PRDX1: variants seen among roughly 807,000 people sequenced by gnomAD.
PRDX1 encodes the protein peroxiredoxin 1.
Under a neutral mutation model 20.7 loss-of-function variants are expected in PRDX1, and 19 were observed. That is an observed-to-expected ratio of 0.92 (90% CI 0.64 to 1.35). PRDX1 has a LOEUF of 1.35. PRDX1 is among the 40% of genes most tolerant of loss of function. The pLI is 0.00. For synonymous variants in PRDX1, 89 were observed against 83.9 expected, an observed-to-expected ratio of 1.06 and a Z score of -0.33; for missense variants, 226 against 240.0, an observed-to-expected ratio of 0.94 and a Z score of 0.38.
Position 45,511,234 on chromosome 1 carries a change from G to A in PRDX1, c.*95C>T. ...AAGACACCACAATTCGGCTGAATCTGAAGTCTTGTGTTTTACTAATGGAAA... is the reference window on the plus strand; with the variant it reads ...AAGACACCACAATTCGGCTGAATCTAAAGTCTTGTGTTTTACTAATGGAAA... On this transcript the variant is annotated 3_prime_UTR_variant, in exon 6 of 6. Coordinates refer to ENST00000319248, the MANE Select transcript of PRDX1 (RefSeq NM_181697.3). 1 of 1,065,132 alleles carries A rather than the reference G, an allele frequency of 9.4e-7. No homozygotes were observed. Among genetic ancestry groups the A allele is most frequent in the Non-Finnish European group, 1.4e-6 (1 of 730,704 alleles). 66.0% of individuals were successfully genotyped at this position (1,065,132 alleles called of 1,614,324 possible).
chr1:45,518,850 A>T, intron 2 of PRDX1, 88 bp downstream of exon 2: 1 of 1,172,302 alleles, frequency 8.5e-7, no homozygotes, highest in Non-Finnish European at 1.2e-6. Flanking sequence ...AACATTTTAC[A>T]GTCAAACAAC....
At chr1:45,512,617 A>AGCAGAGACCAACAGAGTCTG (rs1356435938) in intron 5 of PRDX1, 9 of 152,018 alleles carry the variant, frequency 5.9e-5, no homozygotes, top group African/African-American at 1.9e-4. Flanking sequence ...GATGGGAAGC[A>AGCAGAGACCAACAGAGTCTG]GCAGAGACCA....
intron 3 of PRDX1, 129 bp downstream of exon 3, chr1:45,515,525 G>A: frequency 1.0e-6 from 1 of 966,148 alleles, no homozygotes; most frequent in Non-Finnish European, 1.5e-6. Flanking sequence ...CGTGAAACTG[G>A]GAGGCAGAGC....
At chr1:45,511,616 C>T in intron 5 of PRDX1, 1 of 407,384 alleles carries the variant, frequency 2.5e-6, no homozygotes. Flanking sequence ...AAGATACTAT[C>T]ATGCCTAATT....
chr1:45,520,030 C>A, intron 1 of PRDX1, among the ~76,000 whole-genome samples: 1 of 151,964 alleles, frequency 6.6e-6, no homozygotes, highest in Non-Finnish European at 1.5e-5. Flanking sequence ...CATGGTGAAA[C>A]CCCGTCTCTA....
chr1:45,520,488 CGAGGCAGGCA>C (rs947383477), intron 1 of PRDX1, among the ~76,000 whole-genome samples: 3 of 151,688 alleles, frequency 2.0e-5, no homozygotes, highest in African/African-American at 7.3e-5. Flanking sequence ...TTTGGGAGGC[CGAGGCAGGCA>C]GATCACCTGA....
At chr1:45,519,218 G>A (rs1253445644) in intron 1 of PRDX1, among the ~76,000 whole-genome samples, 164 bp from the exon 2 acceptor site, 1 of 152,234 alleles carries the variant, frequency 6.6e-6, no homozygotes, top group Non-Finnish European at 1.5e-5. Context: ...GCAGTCAAGG[G>A]TCACAGTCTG....
At chr1:45,511,579 CAAA>C in intron 5 of PRDX1, 165 bp from the exon 6 acceptor site, 1 of 455,674 alleles carries the variant, frequency 2.2e-6, no homozygotes, top group East Asian at 3.3e-5. Flanking sequence ...AACCATTTTA[CAAA>C]CATATAATCA....
intron 2 of PRDX1, among the ~76,000 whole-genome samples, chr1:45,517,217 C>A (rs1236435309): frequency 6.6e-6 from 1 of 152,124 alleles, no homozygotes; most frequent in East Asian, 1.9e-4. Context: ...GCCCAGGTCA[C>A]CTCCCTATGG....
intron 5 of PRDX1, chr1:45,511,944 G>A (rs1462563297): frequency 6.6e-6 from 1 of 152,160 alleles, no homozygotes; most frequent in East Asian, 1.9e-4. Flanking sequence ...GCAAAAGGCA[G>A]AGTTTGAAAT....
intron 1 of PRDX1, among the ~76,000 whole-genome samples, chr1:45,519,990 G>GA (rs1643893682): frequency 6.6e-6 from 1 of 151,914 alleles, no homozygotes; most frequent in East Asian, 1.9e-4. Context: ...GCGGATCACC[G>GA]GGTCAGGAGT....
chr1:45,515,839 T>G, intron 2 of PRDX1, 32 bp from the exon 3 acceptor site: 1 of 1,528,164 alleles, frequency 6.5e-7, no homozygotes, highest in Admixed American at 2.4e-5. Flanking sequence ...TGGTTAGCAT[T>G]TGACACAGAC....
At chr1:45,517,617 T>G (rs1328465625) in intron 2 of PRDX1, among the ~76,000 whole-genome samples, 1 of 151,832 alleles carries the variant, frequency 6.6e-6, no homozygotes, top group Non-Finnish European at 1.5e-5. Flanking sequence ...CCGTCTCTAC[T>G]AAAAATACAA....
rs16832553 is a variant in PRDX1 at position 45,511,456 on chromosome 1, G to T, written c.515-42C>A. ...CCACTAATTAATAACCTTCTCAATG[G>T]TATGCACCACCATTCTCCTATGGAC... On this transcript the variant is annotated intron_variant, in intron 5 of 5. Coordinates refer to ENST00000319248, the MANE Select transcript of PRDX1 (RefSeq NM_181697.3). The T allele has an allele frequency of 2.8e-3, 4,210 of 1,528,342 alleles. 61 individuals carry two copies. In the African/African-American group the frequency reaches 0.036, roughly 13 times the overall value. 94.7% of individuals were successfully genotyped at this position (1,528,342 alleles called of 1,614,324 possible).
chr1:45,520,548 C>G (rs1323413131), intron 1 of PRDX1, among the ~76,000 whole-genome samples: 1 of 151,858 alleles, frequency 6.6e-6, no homozygotes, highest in East Asian at 1.9e-4. Context: ...CATAGTGAAA[C>G]CCCGTCTCTA....
intron 5 of PRDX1, chr1:45,512,741 T>G (rs1416989547): frequency 6.6e-6 from 1 of 152,210 alleles, no homozygotes; most frequent in African/African-American, 2.4e-5. Flanking sequence ...CACTGCTGCC[T>G]CCTTCTTAAT....
In PRDX1 at chr1:45,512,389, T is replaced by TG. The variant is rs1643770650; in HGVS notation, c.515-976dup. ...AGTAGCTGGGACTATACAAAAATAG[T>TG]GGGGCGTGGTGGTGGACCCCTGTAG... On this transcript the variant is annotated intron_variant, in intron 5 of 5. Coordinates refer to ENST00000319248, the MANE Select transcript of PRDX1 (RefSeq NM_181697.3). 3 of 149,990 alleles carry TG rather than the reference T, an allele frequency of 2.0e-5. 1 individual carries two copies. Among genetic ancestry groups the TG allele is most frequent in the Admixed American group, 1.3e-4 (2 of 15,048 alleles). 9.3% of individuals were successfully genotyped at this position (149,990 alleles called of 1,614,324 possible).
rs1166470594 is a variant in PRDX1, at chr1:45,514,587, T to C, written c.434A>G (p.Asn145Ser). 6.2e-7 allele frequency: 1 copy of C among 1,613,632 alleles called. No homozygotes were observed. Among genetic ancestry groups the C allele is most frequent in the South Asian group, 1.1e-5 (1 of 91,070 alleles). Reference sequence around the variant, plus strand: ...CACAGAGCGGCCAACAGGGAGGTCATTTACAGTGATCTGCCGAAGAATACC... The same window carrying C: ...CACAGAGCGGCCAACAGGGAGGTCACTTACAGTGATCTGCCGAAGAATACC... ...DKGILRQITV[N>S]DLPVGRSVDE... is the part of the protein sequence containing the mutation. The change falls in exon 5 of 6, where the codon AAT becomes AGT. Residue 145 changes from asparagine (N) to serine (S), a missense_variant. Coordinates refer to ENST00000319248, the MANE Select transcript of PRDX1 (RefSeq NM_181697.3).
At position 45,515,103 on chromosome 1, in the gene PRDX1, T is replaced by C. The variant is rs1570846788; in HGVS notation, c.261-108A>G. ...TAATCTAACTTTCCAAAAAGACTGT[T>C]TTTTTTCCGTTTTCCAGCAATAAAG... On this transcript the variant is annotated intron_variant, in intron 3 of 5. Coordinates refer to ENST00000319248, the MANE Select transcript of PRDX1 (RefSeq NM_181697.3). 2.0e-6 allele frequency: 3 copies of C among 1,469,402 alleles called. No individual in the cohort carries two copies. In the East Asian group the frequency reaches 6.8e-5, roughly 33 times the overall value. 91.0% of individuals were successfully genotyped at this position (1,469,402 alleles called of 1,614,324 possible). A position where few individuals can be genotyped will look rare whatever the true frequency, so the allele number is the denominator to read the frequency against.
Sources: gnomAD v4.1 joint callset for allele counts (sites outside exome capture counted in the v4.1 genomes callset) on GRCh38, gnomAD v4.1.1 for gene constraint, MANE v1.5 for transcripts, NCBI Gene and HGNC (gene_info 2026-07-23, HGNC 2026-07-21) for gene names.